The following RHOBTB1 variants were observed in gnomAD, a reference collection of about 807,000 sequenced individuals.
RHOBTB1 encodes rho-related BTB domain-containing protein 1.
Under a neutral mutation model 71.6 loss-of-function variants are expected in RHOBTB1, and 40 were observed. The observed-to-expected ratio is 0.56, with a 90% CI of 0.43 to 0.73. The LOEUF (loss-of-function observed/expected upper bound fraction) is 0.73, where lower values mean the gene tolerates loss of function less well. RHOBTB1 is among the 30% of genes least tolerant of loss of function. RHOBTB1 has a pLI of 0.00. For synonymous variants in RHOBTB1, 319 were observed against 334.9 expected (o/e 0.95, Z 0.52); for missense variants, 797 against 894.0 (o/e 0.89, Z 1.38).
At chr10:60,958,454 A>G (rs2085668145) in intron 2 of RHOBTB1, among the ~76,000 whole-genome samples, 1 of 152,184 alleles carries the variant, frequency 6.6e-6, no homozygotes, top group South Asian at 2.1e-4. Context: ...GTAGGAATAA[A>G]TGGATCTATA....
chr10:60,886,274 G>T, intron 6 of RHOBTB1, 44 bp from the exon 7 acceptor site: 1 of 1,483,776 alleles, frequency 6.7e-7, no homozygotes. Context: ...CAACTTTGCT[G>T]AGAGCTTCAA....
At chr10:60,879,403 G>A (rs1018232108) in intron 7 of RHOBTB1, among the ~76,000 whole-genome samples, 3 of 152,112 alleles carry the variant, frequency 2.0e-5, no homozygotes, top group African/African-American at 7.2e-5. Flanking sequence ...CTGGACTGCA[G>A]TGGCTTGATG....
At chr10:60,989,546 T>G (rs2086785252) in intron 1 of RHOBTB1, among the ~76,000 whole-genome samples, 2 of 152,230 alleles carry the variant, frequency 1.3e-5, no homozygotes, top group Non-Finnish European at 2.9e-5. Context: ...GGCAAACTAC[T>G]GCAAATAATC....
At chr10:60,910,858 T>C in intron 4 of RHOBTB1, 29 bp downstream of exon 4, 3 of 1,541,126 alleles carry the variant, frequency 1.9e-6, no homozygotes, top group Non-Finnish European at 2.7e-6. Context: ...GCATTCAAGC[T>C]CAACCACGCT....
intron 1 of RHOBTB1, among the ~76,000 whole-genome samples, chr10:60,999,331 G>A (rs555099858): frequency 2.7e-4 from 41 of 152,214 alleles, no homozygotes; most frequent in Non-Finnish European, 5.7e-4. Flanking sequence ...AGCTTAACCT[G>A]CTAGTGGTAA....
chr10:60,945,437 G>A (rs545266925), upstream of RHOBTB1, among the ~76,000 whole-genome samples: 3 of 152,142 alleles, frequency 2.0e-5, no homozygotes, highest in Non-Finnish European at 4.4e-5. Context: ...CCTATTATAA[G>A]GGATGCTTCT....
chr10:60,892,296 A>G (rs1024150654), intron 5 of RHOBTB1, among the ~76,000 whole-genome samples: 1 of 152,206 alleles, frequency 6.6e-6, no homozygotes, highest in Admixed American at 6.5e-5. Flanking sequence ...TTTTGCAACT[A>G]TAGGTCCGAA....
chr10:60,914,914 T>C (rs1374832691), intron 2 of RHOBTB1, among the ~76,000 whole-genome samples: 1 of 152,066 alleles, frequency 6.6e-6, no homozygotes, highest in Non-Finnish European at 1.5e-5. Flanking sequence ...AAAGGGATAA[T>C]ATGTAAGGGA....
chr10:60,987,890 A>G (rs1236809963), intron 1 of RHOBTB1, among the ~76,000 whole-genome samples: 2 of 130,808 alleles, frequency 1.5e-5, no homozygotes, highest in African/African-American at 5.6e-5. Context: ...GACCTTGGTT[A>G]GTAGCTGTCT....
chr10:60,968,020 T>C (rs1222561352), intron 2 of RHOBTB1, among the ~76,000 whole-genome samples: 1 of 151,964 alleles, frequency 6.6e-6, no homozygotes, highest in East Asian at 1.9e-4. Context: ...GGGACTGCAG[T>C]CCTAGGACAG....
At chr10:60,974,794 A>G (rs1326596525) in intron 2 of RHOBTB1, among the ~76,000 whole-genome samples, 1 of 152,092 alleles carries the variant, frequency 6.6e-6, no homozygotes, top group Non-Finnish European at 1.5e-5. Flanking sequence ...GAACCTGCAG[A>G]AGAGACTTTA....
chr10:60,878,966 C>T (rs1032799464), intron 7 of RHOBTB1, among the ~76,000 whole-genome samples: 9 of 152,212 alleles, frequency 5.9e-5, no homozygotes, highest in Non-Finnish European at 1.0e-4. Flanking sequence ...CAATTATAAA[C>T]ATTAATCGTA....
intron 7 of RHOBTB1, among the ~76,000 whole-genome samples, chr10:60,878,740 T>G (rs2081167953): frequency 6.6e-6 from 1 of 152,190 alleles, no homozygotes. Context: ...ATTCCCACAG[T>G]CTCCTTCCTG....
At chr10:60,993,901 A>G (rs2086954543) in intron 1 of RHOBTB1, among the ~76,000 whole-genome samples, 1 of 152,134 alleles carries the variant, frequency 6.6e-6, no homozygotes, top group African/African-American at 2.4e-5. Flanking sequence ...CATTTAGCTC[A>G]ATAGTGCAAT....
Position 60,903,034 on chromosome 10 carries a change from C to T in RHOBTB1, c.296+7853G>A, listed in dbSNP as rs191194599. On this transcript the variant is annotated intron_variant, in intron 4 of 10. Transcript: ENST00000337910. ...TTTTCCCGCAATACAGTTATTGCTA[C>T]GATAGGGATTTGCAAAGCTGTCCTA... Among the ~76,000 whole-genome samples the T allele has an allele frequency of 1.1e-4, 16 of 152,166 alleles. No individual in the cohort carries two copies. In the East Asian group the frequency reaches 1.2e-3, roughly 11 times the overall value.
At chr10:60,981,387 A>T (rs2086491143) in intron 2 of RHOBTB1, among the ~76,000 whole-genome samples, 1 of 152,204 alleles carries the variant, frequency 6.6e-6, no homozygotes, top group Non-Finnish European at 1.5e-5. Flanking sequence ...TACAAGGTAA[A>T]TTTATGCCTG....
chr10:60,994,557 A>G (rs552431837), intron 1 of RHOBTB1, among the ~76,000 whole-genome samples: 3 of 152,292 alleles, frequency 2.0e-5, no homozygotes, highest in Non-Finnish European at 4.4e-5. Context: ...GTCTTGAAAT[A>G]TCTGCATGAT....
At chr10:60,918,807 G>T (rs191216904) in intron 2 of RHOBTB1, among the ~76,000 whole-genome samples, 1 of 150,664 alleles carries the variant, frequency 6.6e-6, no homozygotes, top group African/African-American at 2.4e-5. Context: ...GTGCAATAGC[G>T]CAATCTTGGC....
intron 2 of RHOBTB1, among the ~76,000 whole-genome samples, chr10:60,967,695 C>T (rs140018649): frequency 3.3e-5 from 5 of 152,080 alleles, no homozygotes; most frequent in Non-Finnish European, 4.4e-5. Context: ...ATTCTAAATG[C>T]CTTCAGGGGT....
Sources: allele counts gnomAD v4.1 joint callset (sites outside exome capture counted in the v4.1 genomes callset), GRCh38; gene constraint gnomAD v4.1.1; transcripts MANE v1.5; gene names NCBI Gene and HGNC (gene_info 2026-07-23, HGNC 2026-07-21).